The following ZNG1A variants were observed in gnomAD, a reference collection of about 807,000 sequenced individuals.
The protein encoded by ZNG1A is Zn regulated GTPase metalloprotein activator 1A, also known as zinc-regulated GTPase metalloprotein activator 1A.
the ZNG1A span, chr9:148,031 G>C: frequency 6.7e-6 from 1 of 148,272 alleles, no homozygotes; most frequent in African/African-American, 2.6e-5. Context: ...TCTCAAACCA[G>C]AGTGAGATTC....
chr9:178,859 G>A, the ZNG1A span: 1 of 1,149,986 alleles, frequency 8.7e-7, no homozygotes, highest in Non-Finnish European at 1.2e-6. Context: ...TGGCGCCGAG[G>A]CCAGACTTTT....
At chr9:130,196 A>G in the ZNG1A span, among the ~76,000 whole-genome samples, 2 of 149,762 alleles carry the variant, frequency 1.3e-5, no homozygotes, top group Non-Finnish European at 2.9e-5. Flanking sequence ...AGGTAATAAT[A>G]ATATGCATTT....
the ZNG1A span, chr9:153,403 C>G: frequency 6.9e-6 from 1 of 145,086 alleles, no homozygotes; most frequent in East Asian, 2.1e-4. Context: ...ATAATAATAG[C>G]TAACAGAGCA....
At chr9:157,340 T>A in the ZNG1A span, among the ~76,000 whole-genome samples, 1 of 143,642 alleles carries the variant, frequency 7.0e-6, no homozygotes, top group African/African-American at 2.6e-5. Context: ...GTCATCAACA[T>A]CACAAGCTTC....
At chr9:156,388 T>G in the ZNG1A span, 1 of 1,467,296 alleles carries the variant, frequency 6.8e-7, no homozygotes. Context: ...TTGACTATGT[T>G]TTAAAATTTC....
At chr9:148,018 C>G in the ZNG1A span, 1 of 149,084 alleles carries the variant, frequency 6.7e-6, no homozygotes, top group African/African-American at 2.5e-5. Context: ...GAGTGAGATT[C>G]TGTCTCAAAC....
At chr9:158,412 G>A in the ZNG1A span, among the ~76,000 whole-genome samples, 1 of 151,482 alleles carries the variant, frequency 6.6e-6, no homozygotes, top group African/African-American at 2.4e-5. Flanking sequence ...TTTTTAAACT[G>A]AAATATTTTT....
chr9:162,237 T>G, the ZNG1A span, among the ~76,000 whole-genome samples: 1 of 147,088 alleles, frequency 6.8e-6, no homozygotes, highest in Non-Finnish European at 1.5e-5. Flanking sequence ...CAAATCAAAC[T>G]CAGAGTAATA....
At chr9:124,044 A>G in the ZNG1A span, among the ~76,000 whole-genome samples, 3 of 152,216 alleles carry the variant, frequency 2.0e-5, no homozygotes, top group South Asian at 2.1e-4. Context: ...CAAGAGGAGA[A>G]GAGTTCTTAG....
chr9:126,993 G>A, the ZNG1A span, among the ~76,000 whole-genome samples: 1 of 152,032 alleles, frequency 6.6e-6, no homozygotes, highest in Non-Finnish European at 1.5e-5. Context: ...GGTTTTGAAG[G>A]TTCCTTTTGG....
the ZNG1A span, among the ~76,000 whole-genome samples, chr9:144,538 A>C: frequency 1.3e-5 from 2 of 152,118 alleles, no homozygotes; most frequent in Non-Finnish European, 2.9e-5. Flanking sequence ...CTTATACAAA[A>C]ATCAATTCAA....
At chr9:159,402 G>T in the ZNG1A span, among the ~76,000 whole-genome samples, 1 of 151,630 alleles carries the variant, frequency 6.6e-6, no homozygotes, top group East Asian at 1.9e-4. Context: ...TTGTATACTT[G>T]AATCTGCTAA....
At chr9:143,119 G>A in the ZNG1A span, among the ~76,000 whole-genome samples, 64 of 145,388 alleles carry the variant, frequency 4.4e-4, 1 homozygote, top group African/African-American at 1.6e-3. Context: ...AGAGGTACAA[G>A]GAGGAACTGG....
the ZNG1A span, chr9:177,632 G>C: frequency 2.0e-6 from 3 of 1,496,496 alleles, no homozygotes; most frequent in Non-Finnish European, 2.7e-6. Context: ...GGATAGGAGT[G>C]AAACTATCCC....
the ZNG1A span, among the ~76,000 whole-genome samples, chr9:137,519 G>A: frequency 6.6e-6 from 1 of 152,200 alleles, no homozygotes; most frequent in Non-Finnish European, 1.5e-5. Context: ...CACGGCGGAT[G>A]AAAGGGATCA....
At chr9:124,949 C>T in the ZNG1A span, among the ~76,000 whole-genome samples, 15 of 152,226 alleles carry the variant, frequency 9.9e-5, no homozygotes, top group African/African-American at 3.1e-4. Flanking sequence ...ACTTTATCCA[C>T]GCATTGATTG....
the ZNG1A span, chr9:161,801 C>T: frequency 2.1e-6 from 1 of 472,140 alleles, no homozygotes; most frequent in Non-Finnish European, 3.9e-6. Flanking sequence ...ATGTCTTTTA[C>T]ACTTCATCTT....
At chr9:172,133 CT>C in the ZNG1A span, 1 of 1,611,312 alleles carries the variant, frequency 6.2e-7, no homozygotes, top group Non-Finnish European at 8.5e-7. Context: ...ATTTCCCCTT[CT>C]TTTGCATCAA....
chr9:123,943 G>C, the ZNG1A span, among the ~76,000 whole-genome samples: 1 of 151,926 alleles, frequency 6.6e-6, no homozygotes, highest in African/African-American at 2.4e-5. Flanking sequence ...CCCAGAGCCA[G>C]GAATAAAACT....
Sources: allele counts gnomAD v4.1 joint callset (sites outside exome capture counted in the v4.1 genomes callset), GRCh38; gene constraint gnomAD v4.1.1; transcripts MANE v1.5; gene names NCBI Gene and HGNC (gene_info 2026-07-23, HGNC 2026-07-21).